The following PRICKLE1 variants were observed in gnomAD, a reference collection of about 807,000 sequenced individuals.
The protein encoded by PRICKLE1 is prickle planar cell polarity protein 1, also known as prickle-like protein 1.
A neutral mutation model predicts 70.2 loss-of-function variants in PRICKLE1; 14 were observed. The observed-to-expected ratio is 0.20, with a 90% CI of 0.13 to 0.31. The LOEUF (loss-of-function observed/expected upper bound fraction) is 0.31. Ranked by LOEUF, PRICKLE1 falls within the 10% of genes least tolerant of loss-of-function variation. The pLI, the probability that PRICKLE1 is intolerant of heterozygous loss-of-function variation, is 1.00. For synonymous variants in PRICKLE1, 357 were observed against 379.9 expected (o/e 0.94, Z 0.70); for missense variants, 821 against 1,026.2 (o/e 0.80, Z 2.73).
At chr12:42,492,317 T>G (rs1377159395) in intron 1 of PRICKLE1, among the ~76,000 whole-genome samples, 1 of 152,194 alleles carries the variant, frequency 6.6e-6, no homozygotes, top group Non-Finnish European at 1.5e-5. Flanking sequence ...AACTATGTGC[T>G]CAAAACTATT....
chr12:42,556,345 GTTCT>G (rs1330456817), intron 1 of PRICKLE1, among the ~76,000 whole-genome samples: 1 of 152,136 alleles, frequency 6.6e-6, no homozygotes, highest in Non-Finnish European at 1.5e-5. Flanking sequence ...GATCATCTTT[GTTCT>G]TTCTAATAAC....
chr12:42,466,062 A>G, intron 6 of PRICKLE1, 132 bp downstream of exon 6: 1 of 967,030 alleles, frequency 1.0e-6, no homozygotes, highest in Non-Finnish European at 1.6e-6. Context: ...TGGAACATTT[A>G]AGATCTGTAC....
At chr12:42,509,807 G>T (rs1409976086) in intron 1 of PRICKLE1, among the ~76,000 whole-genome samples, 1 of 152,050 alleles carries the variant, frequency 6.6e-6, no homozygotes, top group Non-Finnish European at 1.5e-5. Flanking sequence ...CGGCGAGGTG[G>T]CTCACACCTG....
intron 1 of PRICKLE1, among the ~76,000 whole-genome samples, chr12:42,543,842 T>C (rs748289408): frequency 7.9e-5 from 12 of 152,172 alleles, no homozygotes; most frequent in Non-Finnish European, 1.5e-4. Context: ...ATTTAAATAA[T>C]AATAGCCTGC....
chr12:42,458,661 T>G lies in PRICKLE1; in HGVS notation c.*1148A>C, dbSNP rs1206051437. The stretch of plus-strand genomic sequence containing the variant: ...AAGGAATAAAAAGGAATAACCTCTC[T>G]TAAAATAACAAATCTACAAAGTCCT... On this transcript the variant is annotated 3_prime_UTR_variant, in exon 8 of 8. Transcript: ENST00000345127. 6.6e-6 allele frequency: 1 copy of G among 152,248 alleles called. No homozygotes were observed. Among genetic ancestry groups the G allele is most frequent in the Non-Finnish European group, 1.5e-5 (1 of 68,042 alleles). The allele number at this position is 152,248 out of a possible 1,614,324, so 9.4% of individuals were successfully genotyped here. A position where few individuals can be genotyped will look rare whatever the true frequency, so the allele number is the denominator to read the frequency against.
chr12:42,565,166 C>T lies in PRICKLE1; in HGVS notation c.-49+24299G>A, dbSNP rs7973655. Among the ~76,000 whole-genome samples the T allele has an allele frequency of 3.1e-3, 467 of 152,314 alleles. 1 individual carries two copies. The highest frequency in any genetic ancestry group is 0.01 in the African/African-American group (424 of 41,564). On this transcript the variant is annotated intron_variant, in intron 1 of 7. Transcript: ENST00000345127. ...AGCAGCTCTCCCAGTACTGGGGGAA[C>T]CCCGGCCAGCACAGCACATCTGGGG...
chr12:42,575,410 T>G (rs972592825), intron 1 of PRICKLE1, among the ~76,000 whole-genome samples: 1 of 152,118 alleles, frequency 6.6e-6, no homozygotes, highest in African/African-American at 2.4e-5. Flanking sequence ...GACGTGCAAT[T>G]TGGGCCAGGC....
intron 1 of PRICKLE1, among the ~76,000 whole-genome samples, chr12:42,516,685 T>C (rs1275125313): frequency 1.3e-5 from 2 of 152,188 alleles, no homozygotes; most frequent in South Asian, 2.1e-4. Flanking sequence ...TGTCTGTGTT[T>C]GGGAGGATGA....
At chr12:42,509,639 C>A (rs982646945) in intron 1 of PRICKLE1, among the ~76,000 whole-genome samples, 5 of 152,086 alleles carry the variant, frequency 3.3e-5, no homozygotes, top group Admixed American at 3.3e-4. Context: ...ACTGAATGAC[C>A]AGCTTGGGCA....
chr12:42,504,287 C>T (rs1939366417), intron 1 of PRICKLE1, among the ~76,000 whole-genome samples: 1 of 152,154 alleles, frequency 6.6e-6, no homozygotes, highest in Non-Finnish European at 1.5e-5. Flanking sequence ...ACTTCTTACT[C>T]AGGAATATTT....
chr12:42,498,493 CT>C (rs1387465835), intron 1 of PRICKLE1, among the ~76,000 whole-genome samples: 1 of 152,088 alleles, frequency 6.6e-6, no homozygotes, highest in Non-Finnish European at 1.5e-5. Flanking sequence ...TTTAAAATCT[CT>C]TCTGCGGGCC....
In PRICKLE1 at chr12:42,465,192, C is replaced by T. The variant is rs1418147287; in HGVS notation, c.842G>A (p.Cys281Tyr). Residue 281 changes from cysteine (C) to tyrosine (Y), a missense_variant, in exon 7 of 8, where the codon TGT becomes TAT. Cys to Tyr is a radical substitution (Grantham distance 194). Coordinates refer to ENST00000345127, the MANE Select transcript of PRICKLE1 (RefSeq NM_153026.3). ...HWHATEACFS[C>Y]AQCKASLLGC... ...CAACAAAGAGGCTTTACACTGGGCA[C>T]AAGAAAAGCAGGCTTCCGTGGCGTG... 6.2e-7 allele frequency: 1 copy of T among 1,610,758 alleles called. No individual in the cohort carries two copies. Among genetic ancestry groups the T allele is most frequent in the South Asian group, 1.1e-5 (1 of 90,372 alleles).
intron 1 of PRICKLE1, among the ~76,000 whole-genome samples, chr12:42,478,981 T>C (rs1443880862): frequency 6.6e-6 from 1 of 152,216 alleles, no homozygotes; most frequent in Non-Finnish European, 1.5e-5. Context: ...GCTCTCAGCA[T>C]TCAGTAAACT....
intron 1 of PRICKLE1, among the ~76,000 whole-genome samples, chr12:42,486,205 C>A (rs1003666304): frequency 2.6e-5 from 4 of 152,228 alleles, no homozygotes; most frequent in Non-Finnish European, 5.9e-5. Flanking sequence ...ACTAAAATAT[C>A]ACCCTCCCTC....
intron 1 of PRICKLE1, among the ~76,000 whole-genome samples, chr12:42,541,912 G>A (rs1316282129): frequency 1.3e-5 from 2 of 152,176 alleles, no homozygotes. Context: ...TAGCCATAGG[G>A]TTCAGGAAGC....
intron 1 of PRICKLE1, among the ~76,000 whole-genome samples, chr12:42,539,119 C>A (rs904770674): frequency 9.9e-5 from 15 of 152,082 alleles, no homozygotes; most frequent in African/African-American, 3.4e-4. Flanking sequence ...AGTACAAAAA[C>A]TTGAACGTCA....
intron 1 of PRICKLE1, chr12:42,482,862 C>T (rs1938847567): frequency 6.6e-6 from 1 of 152,316 alleles, no homozygotes; most frequent in Non-Finnish European, 1.5e-5. Flanking sequence ...TCGTCCCCAT[C>T]CCCGCCGCCG....
intron 1 of PRICKLE1, among the ~76,000 whole-genome samples, chr12:42,478,945 G>GCTAT (rs142654804): frequency 0.021 from 3,229 of 152,216 alleles, 106 homozygotes; most frequent in East Asian, 0.093. Flanking sequence ...AAGGATAAGG[G>GCTAT]CTATACTTAG....
chr12:42,519,579 C>T (rs1418211019), intron 1 of PRICKLE1, among the ~76,000 whole-genome samples: 1 of 152,338 alleles, frequency 6.6e-6, no homozygotes, highest in Non-Finnish European at 1.5e-5. Flanking sequence ...ATTTGATCAA[C>T]TCCGACCCCT....
Sources: allele counts gnomAD v4.1 joint callset (sites outside exome capture counted in the v4.1 genomes callset), GRCh38; gene constraint gnomAD v4.1.1; transcripts MANE v1.5; gene names NCBI Gene and HGNC (gene_info 2026-07-23, HGNC 2026-07-21).